The following ZMYND8 variants were observed in gnomAD, a reference collection of about 807,000 sequenced individuals.
ZMYND8 encodes the protein zinc finger MYND-type containing 8.
A neutral mutation model predicts 140.8 loss-of-function variants in ZMYND8; 37 were observed. The ratio of observed to expected loss-of-function variants is 0.26; its 90% CI spans 0.20 to 0.35. The LOEUF is 0.35. Among genes scored for constraint, ZMYND8 ranks in the 10% least tolerant of loss-of-function variants. ZMYND8 has a pLI of 1.00. For missense variants in ZMYND8, 1,068 were observed against 1,570.0 expected, an observed-to-expected ratio of 0.68 and a Z score of 5.40; for synonymous variants, 592 against 597.1, an observed-to-expected ratio of 0.99 and a Z score of 0.12.
intron 3 of ZMYND8, among the ~76,000 whole-genome samples, chr20:47,299,722 T>A (rs1158617054): frequency 6.6e-6 from 1 of 152,194 alleles, no homozygotes; most frequent in African/African-American, 2.4e-5. Context: ...TAGCTGGGAC[T>A]ACAGGCGTGT....
At chr20:47,237,309 T>A (rs1338543604) in intron 15 of ZMYND8, 1 of 151,642 alleles carries the variant, frequency 6.6e-6, no homozygotes, top group Non-Finnish European at 1.5e-5. Context: ...CCCGGCTAGT[T>A]TTTTGCTTTT....
intron 1 of ZMYND8, among the ~76,000 whole-genome samples, chr20:47,351,200 G>C (rs2082750343): frequency 6.6e-6 from 1 of 152,136 alleles, no homozygotes; most frequent in Non-Finnish European, 1.5e-5. Context: ...GCACCTCCAG[G>C]ATGCTTTAAG....
intron 16 of ZMYND8, among the ~76,000 whole-genome samples, chr20:47,235,534 A>G (rs1023515744): frequency 2.0e-5 from 3 of 151,986 alleles, no homozygotes; most frequent in Non-Finnish European, 4.4e-5. Flanking sequence ...GCGAAACCCC[A>G]TCTCTACTAA....
At chr20:47,296,389 C>G (rs186719066) in intron 4 of ZMYND8, among the ~76,000 whole-genome samples, 1 of 152,268 alleles carries the variant, frequency 6.6e-6, no homozygotes, top group Non-Finnish European at 1.5e-5. Flanking sequence ...AGGGGCAAAT[C>G]AGCTGGGGGA....
intron 12 of ZMYND8, among the ~76,000 whole-genome samples, chr20:47,260,974 C>T (rs1472370324): frequency 6.6e-6 from 1 of 152,190 alleles, no homozygotes; most frequent in Non-Finnish European, 1.5e-5. Flanking sequence ...GTAATCCCAG[C>T]ATTTTGGGAG....
In ZMYND8 at chr20:47,298,612, AAGC is replaced by A; in HGVS notation, c.453+114_453+116del. ...GGGTGACCAGGATAGAACAGGTGGA[AAGC>A]AAGAAATTTCTCTTTTCCATCTATC... On this transcript the variant is annotated intron_variant, in intron 4 of 22. Coordinates refer to ENST00000471951, the MANE Select transcript of ZMYND8 (RefSeq NM_001281775.3). The surrounding 1 kb of genome is among the most constrained non-coding windows in gnomAD (Gnocchi z 5.0). 6.6e-7 allele frequency: 1 copy of A among 1,507,000 alleles called. No homozygotes were observed. The highest frequency in any genetic ancestry group is 8.9e-7 in the Non-Finnish European group (1 of 1,126,488). 93.4% of individuals were successfully genotyped at this position (1,507,000 alleles called of 1,614,324 possible). A position where few individuals can be genotyped will look rare whatever the true frequency, so the allele number is the denominator to read the frequency against.
At chr20:47,267,090 G>A (rs1383971127) in intron 11 of ZMYND8, among the ~76,000 whole-genome samples, 1 of 152,186 alleles carries the variant, frequency 6.6e-6, no homozygotes, top group Non-Finnish European at 1.5e-5. Flanking sequence ...GATACGTGCT[G>A]CAGTGTGGCT....
intron 3 of ZMYND8, among the ~76,000 whole-genome samples, chr20:47,303,587 C>A (rs1225055728): frequency 6.6e-6 from 1 of 151,952 alleles, no homozygotes; most frequent in East Asian, 1.9e-4. Flanking sequence ...TCCAGCTACT[C>A]AGGAGGTTGA....
At chr20:47,289,302 A>G (rs1324676398) in intron 7 of ZMYND8, among the ~76,000 whole-genome samples, 1 of 152,190 alleles carries the variant, frequency 6.6e-6, no homozygotes, top group Non-Finnish European at 1.5e-5. Context: ...AAAGGCAGAC[A>G]ATATCAACCC....
chr20:47,222,539 G>GA (rs1032849073), intron 19 of ZMYND8, among the ~76,000 whole-genome samples: 60 of 144,458 alleles, frequency 4.2e-4, no homozygotes, highest in South Asian at 2.9e-3. Context: ...CCGTCTCAAC[G>GA]AAAAAAAAAA....
intron 5 of ZMYND8, among the ~76,000 whole-genome samples, chr20:47,293,676 C>T (rs1002922416): frequency 1.3e-5 from 2 of 152,202 alleles, no homozygotes; most frequent in South Asian, 2.1e-4. Flanking sequence ...GCACAAAGCT[C>T]CCCTTGCTGG....
intron 2 of ZMYND8, among the ~76,000 whole-genome samples, chr20:47,317,252 C>T (rs1033248630): frequency 3.9e-5 from 6 of 152,100 alleles, no homozygotes; most frequent in African/African-American, 1.4e-4. Context: ...AAAGGCAGTC[C>T]CCAGAAAGCA....
chr20:47,351,220 T>C (rs755828015), intron 1 of ZMYND8, among the ~76,000 whole-genome samples: 2 of 152,216 alleles, frequency 1.3e-5, no homozygotes, highest in Admixed American at 6.5e-5. Context: ...GCCTTCTGAT[T>C]GTTAATTCTG....
intron 2 of ZMYND8, among the ~76,000 whole-genome samples, chr20:47,340,532 G>A (rs184378973): frequency 4.6e-5 from 7 of 151,548 alleles, no homozygotes; most frequent in Admixed American, 3.3e-4. Context: ...GGTGGCTCAC[G>A]CCTACAATCC....
intron 13 of ZMYND8, among the ~76,000 whole-genome samples, chr20:47,249,032 TC>T: frequency 6.6e-6 from 1 of 152,106 alleles, no homozygotes. Flanking sequence ...CCTTGATGAT[TC>T]AAACCTGTAT....
chr20:47,255,709 ACCGTGTATGTGTG>A (rs1343893779), intron 12 of ZMYND8, among the ~76,000 whole-genome samples: 1 of 99,922 alleles, frequency 1.0e-5, no homozygotes, highest in African/African-American at 4.1e-5. Context: ...ATATATATAT[ACCGTGTATGTGTG>A]TATATATATA....
chr20:47,289,210 G>A (rs1216257474), intron 7 of ZMYND8, among the ~76,000 whole-genome samples: 4 of 152,080 alleles, frequency 2.6e-5, no homozygotes, highest in Non-Finnish European at 4.4e-5. Context: ...GAAAAGATAC[G>A]CAATACCACT....
intron 16 of ZMYND8, among the ~76,000 whole-genome samples, chr20:47,232,127 T>C (rs1023864092): frequency 6.6e-6 from 1 of 152,050 alleles, no homozygotes; most frequent in African/African-American, 2.4e-5. Context: ...TCCCAGCACT[T>C]TTGGGAGGCA....
At position 47,220,315 on chromosome 20, in the gene ZMYND8, G is replaced by A. The variant is rs764539183; in HGVS notation, c.3427C>T (p.Leu1143Phe). Residue 1143 changes from leucine (L) to phenylalanine (F), a missense_variant, in exon 21 of 23, where the codon CTT (leucine) becomes TTT (phenylalanine). Leu to Phe is a conservative substitution (Grantham distance 22). This residue lies in a region of ZMYND8 where 180 missense variants were observed against 187.8 expected (regional missense o/e 0.96). Transcript: ENST00000471951. ...KSKESGSTLD[L>F]SGSRETPSSI... ...GAGGGCGTCTCTCTGGAGCCAGAAA[G>A]GTCAAGGGTCTAGAAATACAAAAAG... 7.1e-6 allele frequency: 11 copies of A among 1,559,484 alleles called. No individual in the cohort carries two copies. In the South Asian group the frequency reaches 1.2e-4, roughly 17 times the overall value.
Sources: gnomAD v4.1 joint callset for allele counts (sites outside exome capture counted in the v4.1 genomes callset) on GRCh38, gnomAD v4.1.1 for gene constraint, gnomAD v4.1.1 regional missense constraint, Gnocchi (gnomAD v3.1) non-coding constraint, MANE v1.5 for transcripts, NCBI Gene and HGNC (gene_info 2026-07-23, HGNC 2026-07-21) for gene names.